The following MMS22L variants were observed in gnomAD, a reference collection of about 807,000 sequenced individuals.
MMS22L encodes the protein MMS22 like, DNA repair protein.
Under a neutral mutation model 159.1 loss-of-function variants are expected in MMS22L, and 74 were observed. That is an observed-to-expected ratio of 0.47 (90% CI 0.39 to 0.56). The LOEUF is 0.56. MMS22L is among the 20% of genes least tolerant of loss of function. The probability of loss-of-function intolerance (pLI) is 0.00; values close to 1 mark genes in which losing one functional copy is unlikely to be tolerated. For synonymous variants in MMS22L, 517 were observed against 506.9 expected (o/e 1.02, Z -0.27); for missense variants, 1,351 against 1,422.1 (o/e 0.95, Z 0.80).
chr6:97,188,221 A>G (rs757416312), intron 14 of MMS22L, among the ~76,000 whole-genome samples: 4 of 152,240 alleles, frequency 2.6e-5, no homozygotes, highest in Non-Finnish European at 5.9e-5. Flanking sequence ...TCCATGTAAA[A>G]TAATACCACC....
At chr6:97,245,850 G>GACAC (rs56380746) in intron 11 of MMS22L, 19,102 of 116,134 alleles carry the variant, frequency 0.16, 1,793 homozygotes, top group East Asian at 0.52. Context: ...AGCTACTACA[G>GACAC]ACACACACAC....
intron 22 of MMS22L, among the ~76,000 whole-genome samples, chr6:97,159,712 T>C (rs1449628118): frequency 6.6e-6 from 1 of 151,934 alleles, no homozygotes. Flanking sequence ...ATGTGACAAG[T>C]TGCATATACT....
intron 15 of MMS22L, 149 bp from the exon 16 acceptor site, chr6:97,182,203 A>G: frequency 1.6e-6 from 1 of 638,172 alleles, no homozygotes; most frequent in Non-Finnish European, 2.6e-6. Context: ...AGCAAACAAA[A>G]AGCTAAAACT....
chr6:97,232,861 C>T (rs1811013532), intron 12 of MMS22L, among the ~76,000 whole-genome samples: 1 of 151,824 alleles, frequency 6.6e-6, no homozygotes, highest in Admixed American at 6.6e-5. Flanking sequence ...AATTATTTAC[C>T]CCAAACCCAA....
At chr6:97,219,021 G>A (rs1358408008) in intron 14 of MMS22L, among the ~76,000 whole-genome samples, 1 of 152,160 alleles carries the variant, frequency 6.6e-6, no homozygotes, top group Non-Finnish European at 1.5e-5. Flanking sequence ...CAGATCTCGT[G>A]AGAACTCACT....
At chr6:97,193,710 T>C (rs1326608924) in intron 14 of MMS22L, among the ~76,000 whole-genome samples, 1 of 152,228 alleles carries the variant, frequency 6.6e-6, no homozygotes, top group African/African-American at 2.4e-5. Context: ...TATTTGTTTT[T>C]AATTCCTGAC....
chr6:97,281,205 TAC>T lies in MMS22L; in HGVS notation c.290+30_290+31del, dbSNP rs760565392. The T allele has an allele frequency of 1.9e-6, 3 of 1,586,702 alleles. No homozygotes were observed. The African/African-American group carries it at 4.1e-5, about 22-fold the overall frequency. ...GTAATTTACAAAAGTGAACAACACC[TAC>T]ACTCACAGAAAGTTATAACGAAGAA... On this transcript the variant is annotated intron_variant, in intron 3 of 24. Transcript: ENST00000683635.
At chr6:97,237,306 G>C (rs1811527204) in intron 11 of MMS22L, among the ~76,000 whole-genome samples, 1 of 152,124 alleles carries the variant, frequency 6.6e-6, no homozygotes, top group Non-Finnish European at 1.5e-5. Context: ...AGTGATCTTG[G>C]TACAAAACCT....
chr6:97,205,874 G>A (rs1807731791), intron 14 of MMS22L, among the ~76,000 whole-genome samples: 1 of 152,052 alleles, frequency 6.6e-6, no homozygotes, highest in African/African-American at 2.4e-5. Context: ...CAGCAAAAGT[G>A]AGAAATATGG....
rs1411033336 is a variant in MMS22L at position 97,168,173 on chromosome 6, G to A, written c.2907C>T (p.Ile969=). 2 of 1,613,016 alleles carry A rather than the reference G, an allele frequency of 1.2e-6. No homozygotes were observed. The highest frequency in any genetic ancestry group is 1.7e-6 in the Non-Finnish European group (2 of 1,179,420). Residue 969 remains isoleucine (I), a synonymous_variant, in exon 20 of 25, where the codon ATC becomes ATT. Coordinates refer to ENST00000683635, the MANE Select transcript of MMS22L (RefSeq NM_001350599.2). The part of the protein sequence containing the change: ...TSKAQKLLFR[I]IDCLLLPHAV... ...CATGTGGCAGCAGTAAACAATCTATGATCCGGAATAGTAATTTTTGGGCTT... is the reference window on the plus strand; with the variant it reads ...CATGTGGCAGCAGTAAACAATCTATAATCCGGAATAGTAATTTTTGGGCTT...
intron 14 of MMS22L, among the ~76,000 whole-genome samples, chr6:97,196,846 T>C (rs891338529): frequency 6.6e-6 from 1 of 152,120 alleles, no homozygotes; most frequent in Non-Finnish European, 1.5e-5. Context: ...CATTACAACA[T>C]ACTACACATA....
Position 97,229,010 on chromosome 6 carries a change from C to A in MMS22L, c.1923G>T (p.Leu641Phe), listed in dbSNP as rs1236026993. Residue 641 changes from leucine to phenylalanine, a missense_variant, in exon 14 of 25, where the codon TTG becomes TTT. By Grantham distance (22) the Leu-to-Phe change is conservative. Coordinates refer to ENST00000683635, the MANE Select transcript of MMS22L (RefSeq NM_001350599.2). ...VQEVFETSYC[L>F]YPSHEKLLND... The stretch of plus-strand genomic sequence containing the variant: ...TAAGCAGTTTTTCATGGGAAGGATA[C>A]AAGCAATAGCTGGTCTCAAACACTT... 3 of 1,614,110 alleles carry A rather than the reference C, an allele frequency of 1.9e-6. No homozygotes were observed. The highest frequency in any genetic ancestry group is 2.2e-5 in the South Asian group (2 of 91,078).
rs73488453 is a variant in MMS22L, at chr6:97,171,470, G to A, written c.2839+1593C>T. ...GGGGAAGAATGGCCAAAGAGACAGG[G>A]ATGATTGAAAGCTTTATACATGGAA... On this transcript the variant is annotated intron_variant, in intron 19 of 24. Transcript: ENST00000683635. 2.3e-3 allele frequency among the ~76,000 whole-genome samples: 356 copies of A among 152,248 alleles called. 2 individuals are homozygous for A. Among genetic ancestry groups the A allele is most frequent in the African/African-American group, 8.2e-3 (342 of 41,554 alleles).
chr6:97,238,586 TG>T (rs1811690808), intron 11 of MMS22L, among the ~76,000 whole-genome samples: 1 of 89,610 alleles, frequency 1.1e-5, no homozygotes, highest in African/African-American at 3.4e-5. Flanking sequence ...TGTGTGTGTG[TG>T]TGTGTGTGTG....
At chr6:97,283,452 C>T (rs1212165316), upstream of MMS22L, 1 of 151,762 alleles carries the variant, frequency 6.6e-6, no homozygotes, top group Non-Finnish European at 1.5e-5. Flanking sequence ...ATGGGTTTAT[C>T]CTCTGGCCGG....
At chr6:97,175,561 T>C (rs1053815130) in intron 18 of MMS22L, among the ~76,000 whole-genome samples, 4 of 152,180 alleles carry the variant, frequency 2.6e-5, no homozygotes, top group African/African-American at 7.2e-5. Context: ...GTGAATCTTT[T>C]ACATCCATGA....
In MMS22L at chr6:97,229,334, G is replaced by A. The variant is rs1414870599; in HGVS notation, c.1599C>T (p.Ser533=). 6.2e-7 allele frequency: 1 copy of A among 1,612,278 alleles called. No individual in the cohort carries two copies. ...LTEVGLQNFF[S]LFLLLAAVAE... is the part of the protein sequence containing the mutation. ...CAACAGCTGCTAACAGTAGAAAAAG[G>A]CTAAAAAAGTTCTGTAGACCAACTT... The change falls in exon 14 of 25, where the codon AGC becomes AGT. Residue 533 remains serine (S), a synonymous_variant. Transcript: ENST00000683635.
chr6:97,229,362 G>C lies in MMS22L; in HGVS notation c.1571C>G (p.Thr524Ser), dbSNP rs565730698. Residue 524 changes from threonine to serine, a missense_variant, in exon 14 of 25, where the codon ACT (threonine) becomes AGT (serine). By Grantham distance (58) the Thr-to-Ser change is moderately conservative. Coordinates refer to ENST00000683635, the MANE Select transcript of MMS22L (RefSeq NM_001350599.2). Reference sequence around the variant, plus strand: ...AAAAAAGTTCTGTAGACCAACTTCAGTTAGTTCTTCCATTCTTTTTTGATG... The same window carrying C: ...AAAAAAGTTCTGTAGACCAACTTCACTTAGTTCTTCCATTCTTTTTTGATG... ...KFHQKRMEEL[T>S]EVGLQNFFSL... 6.3e-7 allele frequency: 1 copy of C among 1,597,178 alleles called. No homozygotes were observed. Among genetic ancestry groups the C allele is most frequent in the African/African-American group, 1.3e-5 (1 of 74,260 alleles).
chr6:97,206,063 T>C (rs1275059963), intron 14 of MMS22L, among the ~76,000 whole-genome samples: 2 of 152,116 alleles, frequency 1.3e-5, no homozygotes, highest in African/African-American at 4.8e-5. Context: ...GCTAGCTAAG[T>C]AGGTCAGAAC....
Sources: allele counts gnomAD v4.1 joint callset (sites outside exome capture counted in the v4.1 genomes callset), GRCh38; gene constraint gnomAD v4.1.1; transcripts MANE v1.5; gene names NCBI Gene and HGNC (gene_info 2026-07-23, HGNC 2026-07-21).